NALCN: variants seen among roughly 807,000 people sequenced by gnomAD.
The protein encoded by NALCN is sodium leak channel NALCN.
NALCN carries 111 observed loss-of-function variants against 225.3 expected under a neutral mutation model. That is an observed-to-expected ratio of 0.49 (90% CI 0.42 to 0.58). NALCN has a LOEUF of 0.58. Among genes scored for constraint, NALCN ranks in the 20% least tolerant of loss-of-function variants. The pLI is 0.00. For synonymous variants in NALCN, 764 were observed against 769.0 expected, an observed-to-expected ratio of 0.99 and a Z score of 0.11; for missense variants, 1,378 against 2,202.4, an observed-to-expected ratio of 0.63 and a Z score of 7.49.
At chr13:101,381,957 T>A (rs2046861534) in intron 3 of NALCN, among the ~76,000 whole-genome samples, 1 of 152,078 alleles carries the variant, frequency 6.6e-6, no homozygotes, top group Non-Finnish European at 1.5e-5. Context: ...AAACTGAAAT[T>A]TTATGGGACT....
chr13:101,142,361 C>T (rs1566332133), intron 17 of NALCN, among the ~76,000 whole-genome samples: 1 of 151,856 alleles, frequency 6.6e-6, no homozygotes, highest in Non-Finnish European at 1.5e-5. Flanking sequence ...AAGCTGGTCT[C>T]GAACTTCTGA....
At chr13:101,367,816 T>C (rs1269175506) in intron 6 of NALCN, among the ~76,000 whole-genome samples, 2 of 152,060 alleles carry the variant, frequency 1.3e-5, no homozygotes, top group Admixed American at 6.6e-5. Flanking sequence ...GGTTTCAGCT[T>C]CTTTGGCAGT....
intron 13 of NALCN, among the ~76,000 whole-genome samples, chr13:101,211,380 GA>G (rs2040516662): frequency 6.6e-6 from 1 of 151,996 alleles, no homozygotes; most frequent in African/African-American, 2.4e-5. Context: ...TTTATTCAAG[GA>G]AAGTCATAAT....
intron 27 of NALCN, among the ~76,000 whole-genome samples, chr13:101,097,754 A>G (rs2034591952): frequency 6.6e-6 from 1 of 152,084 alleles, no homozygotes; most frequent in African/African-American, 2.4e-5. Context: ...CTTCTCATCA[A>G]CGAAATTCCA....
intron 7 of NALCN, among the ~76,000 whole-genome samples, chr13:101,293,073 AC>A (rs1269609224): frequency 6.6e-6 from 1 of 152,202 alleles, no homozygotes; most frequent in East Asian, 1.9e-4. Flanking sequence ...TCCTAACAAC[AC>A]TATAAGATGT....
intron 6 of NALCN, among the ~76,000 whole-genome samples, chr13:101,363,290 G>C (rs1040727358): frequency 1.3e-5 from 2 of 151,882 alleles, no homozygotes; most frequent in African/African-American, 4.8e-5. Flanking sequence ...AAGCAATCTC[G>C]TGCAAAAAGA....
intron 10 of NALCN, among the ~76,000 whole-genome samples, chr13:101,281,255 T>C (rs2043158352): frequency 6.6e-6 from 1 of 152,140 alleles, no homozygotes; most frequent in Admixed American, 6.6e-5. Flanking sequence ...ATTACTTCTT[T>C]CAAAACCCAC....
rs554984469 is a variant in NALCN, at chr13:101,269,290, A to G, written c.1135-10716T>C. Among the ~76,000 whole-genome samples the G allele has an allele frequency of 5.5e-4, 83 of 151,548 alleles. No individual in the cohort carries two copies. In the South Asian group the frequency reaches 0.017, roughly 30 times the overall value. ...CAGTACTCAGTTCCTGCAAGGCTGGATTCATAGTAGATTCAACAATAATTT... is the reference window on the plus strand; with the variant it reads ...CAGTACTCAGTTCCTGCAAGGCTGGGTTCATAGTAGATTCAACAATAATTT... On this transcript the variant is annotated intron_variant, in intron 10 of 43. Coordinates refer to ENST00000251127, the MANE Select transcript of NALCN (RefSeq NM_052867.4).
At chr13:101,380,342 C>T (rs1284226325) in intron 3 of NALCN, among the ~76,000 whole-genome samples, 2 of 152,126 alleles carry the variant, frequency 1.3e-5, no homozygotes, top group Admixed American at 6.5e-5. Flanking sequence ...AGATGTACCA[C>T]TTTCATTTTT....
At chr13:101,321,819 T>C (rs2044755192) in intron 7 of NALCN, among the ~76,000 whole-genome samples, 1 of 152,142 alleles carries the variant, frequency 6.6e-6, no homozygotes, top group African/African-American at 2.4e-5. Flanking sequence ...AAAAATGTCA[T>C]ACATTAAACT....
intron 15 of NALCN, among the ~76,000 whole-genome samples, chr13:101,171,664 T>C (rs572161338): frequency 5.3e-5 from 8 of 152,168 alleles, no homozygotes; most frequent in African/African-American, 1.7e-4. Flanking sequence ...TTTTGGAACA[T>C]GATTGTGGGA....
chr13:101,358,775 G>A (rs1020132298), intron 6 of NALCN, among the ~76,000 whole-genome samples: 1 of 152,138 alleles, frequency 6.6e-6, no homozygotes, highest in Admixed American at 6.6e-5. Flanking sequence ...ATTTACAATA[G>A]CAAAGACACG....
intron 12 of NALCN, among the ~76,000 whole-genome samples, chr13:101,231,260 C>T (rs1328728188): frequency 2.0e-5 from 3 of 148,462 alleles, no homozygotes; most frequent in Non-Finnish European, 3.0e-5. Context: ...CTCACATTTG[C>T]AAAAAAAAAT....
chr13:101,101,538 C>T (rs1428311447), intron 26 of NALCN, among the ~76,000 whole-genome samples: 1 of 152,162 alleles, frequency 6.6e-6, no homozygotes, highest in Non-Finnish European at 1.5e-5. Flanking sequence ...GCCTGGGCCT[C>T]TCAAAGTGCT....
chr13:101,136,444 TCCCTCCC>T (rs1307314755), intron 17 of NALCN, among the ~76,000 whole-genome samples: 1 of 145,442 alleles, frequency 6.9e-6, no homozygotes, highest in Admixed American at 6.9e-5. Flanking sequence ...CCTAATACTA[TCCCTCCC>T]CCCTCCCCCT....
chr13:101,414,414 AATCCACATGTGACTC>A (rs1385775592), intron 1 of NALCN, among the ~76,000 whole-genome samples: 4 of 152,188 alleles, frequency 2.6e-5, no homozygotes, highest in African/African-American at 9.7e-5. Context: ...ACAAACTTGA[AATCCACATGTGACTC>A]TGACCTGGGA....
intron 3 of NALCN, among the ~76,000 whole-genome samples, chr13:101,394,799 A>T (rs1312380895): frequency 6.6e-6 from 1 of 152,022 alleles, no homozygotes; most frequent in Non-Finnish European, 1.5e-5. Context: ...CTCTAACTCT[A>T]TCATGTGACT....
At chr13:101,251,979 T>A (rs532367945) in intron 11 of NALCN, among the ~76,000 whole-genome samples, 1 of 152,334 alleles carries the variant, frequency 6.6e-6, no homozygotes, top group East Asian at 1.9e-4. Context: ...CTAAAACTGC[T>A]CATATGGATA....
chr13:101,349,240 G>C (rs990941333), intron 6 of NALCN, among the ~76,000 whole-genome samples: 1 of 152,106 alleles, frequency 6.6e-6, no homozygotes, highest in Non-Finnish European at 1.5e-5. Context: ...GTGACTCCAA[G>C]ACAATGAAAT....
Sources: allele counts gnomAD v4.1 joint callset (sites outside exome capture counted in the v4.1 genomes callset), GRCh38; gene constraint gnomAD v4.1.1; transcripts MANE v1.5; gene names NCBI Gene and HGNC (gene_info 2026-07-23, HGNC 2026-07-21).